SYT2: variants seen among roughly 807,000 people sequenced by gnomAD.
The protein encoded by SYT2 is synaptotagmin-2.
In SYT2, 15 loss-of-function variants were observed where a neutral mutation model predicts 39.9. The observed-to-expected ratio is 0.38, with a 90% CI of 0.25 to 0.58. The LOEUF (loss-of-function observed/expected upper bound fraction) is 0.58, where lower values mean the gene tolerates loss of function less well. Among genes scored for constraint, SYT2 ranks in the 20% least tolerant of loss-of-function variants. The probability of loss-of-function intolerance (pLI) is 0.70; values close to 1 mark genes in which losing one functional copy is unlikely to be tolerated. For synonymous variants in SYT2, 181 were observed against 204.5 expected (o/e 0.89, Z 0.98); for missense variants, 389 against 530.3 (o/e 0.73, Z 2.62).
At chr1:202,673,714 AT>A (rs1653236062) in intron 1 of SYT2, among the ~76,000 whole-genome samples, 1 of 152,114 alleles carries the variant, frequency 6.6e-6, no homozygotes, top group African/African-American at 2.4e-5. Flanking sequence ...CCCCTTGCAG[AT>A]TTACTACTCT....
At chr1:202,613,459 T>C (rs921812162) in intron 1 of SYT2, among the ~76,000 whole-genome samples, 17 of 152,162 alleles carry the variant, frequency 1.1e-4, no homozygotes, top group African/African-American at 4.1e-4. Context: ...TTTCTATATA[T>C]AGAATCATGC....
intron 1 of SYT2, among the ~76,000 whole-genome samples, chr1:202,665,580 G>A (rs1463237539): frequency 6.6e-6 from 1 of 152,198 alleles, no homozygotes; most frequent in African/African-American, 2.4e-5. Context: ...GTCTCCAGCT[G>A]CGACATCCTA....
chr1:202,707,371 A>C (rs1309303373), intron 1 of SYT2, among the ~76,000 whole-genome samples: 1 of 152,044 alleles, frequency 6.6e-6, no homozygotes, highest in Admixed American at 6.5e-5. Context: ...TAACCACTGC[A>C]CTGAGTGACC....
chr1:202,612,215 G>A (rs576790922), intron 1 of SYT2, among the ~76,000 whole-genome samples: 28 of 152,084 alleles, frequency 1.8e-4, no homozygotes, highest in Non-Finnish European at 3.8e-4. Context: ...ACAAATATGA[G>A]GGTTTATTTC....
In SYT2 at chr1:202,601,794, G is replaced by A; in HGVS notation, c.801+96C>T. On this transcript the variant is annotated intron_variant, in intron 6 of 8. Transcript: ENST00000367268. This position sits in a 1 kb window ranked among gnomAD's most constrained non-coding sequence, Gnocchi z 4.0. Reference sequence around the variant, plus strand: ...GCTGGGATCCTAACACAGGTCGTCTGCCTCCAAAGCCCACCCTGTTTCCAT... The same window carrying A: ...GCTGGGATCCTAACACAGGTCGTCTACCTCCAAAGCCCACCCTGTTTCCAT... The A allele has an allele frequency of 1.5e-6, 2 of 1,344,618 alleles. No homozygotes were observed. Among genetic ancestry groups the A allele is most frequent in the Non-Finnish European group, 2.1e-6 (2 of 968,104 alleles). The allele number at this position is 1,344,618 out of a possible 1,614,324, so 83.3% of individuals were successfully genotyped here.
At chr1:202,658,430 C>T (rs1396945508) in intron 1 of SYT2, among the ~76,000 whole-genome samples, 2 of 152,116 alleles carry the variant, frequency 1.3e-5, no homozygotes, top group African/African-American at 4.8e-5. Context: ...CCTACCTTTG[C>T]CTCTACTGAT....
At chr1:202,685,910 G>C (rs963945340) in intron 1 of SYT2, among the ~76,000 whole-genome samples, 1 of 152,094 alleles carries the variant, frequency 6.6e-6, no homozygotes, top group African/African-American at 2.4e-5. Flanking sequence ...AGGCTCTGGG[G>C]CATGGGGGTG....
chr1:202,617,832 G>A (rs986511675), intron 1 of SYT2, among the ~76,000 whole-genome samples: 31 of 152,180 alleles, frequency 2.0e-4, no homozygotes, highest in African/African-American at 6.8e-4. Context: ...CGGCAGTCCA[G>A]GGGCTAAATC....
intron 1 of SYT2, among the ~76,000 whole-genome samples, chr1:202,667,775 T>C (rs1258743754): frequency 2.0e-5 from 3 of 152,100 alleles, no homozygotes; most frequent in Non-Finnish European, 2.9e-5. Flanking sequence ...TGCAGTGGCA[T>C]GATCTTGGCT....
At chr1:202,605,500 G>GC in intron 2 of SYT2, 95 bp downstream of exon 2, 1 of 1,231,836 alleles carries the variant, frequency 8.1e-7, no homozygotes, top group Non-Finnish European at 1.2e-6. Context: ...TTAGGAAAGA[G>GC]CCCAGCCAAT....
intron 1 of SYT2, among the ~76,000 whole-genome samples, chr1:202,650,624 T>A (rs1446650886): frequency 1.3e-5 from 2 of 152,114 alleles, no homozygotes; most frequent in Non-Finnish European, 1.5e-5. Context: ...ATTGAATACA[T>A]ACTATGTGCC....
At chr1:202,686,523 T>C (rs1352614940) in intron 1 of SYT2, among the ~76,000 whole-genome samples, 2 of 152,118 alleles carry the variant, frequency 1.3e-5, no homozygotes, top group Non-Finnish European at 2.9e-5. Flanking sequence ...CCCACTGGCC[T>C]GAGAAAGAAG....
intron 1 of SYT2, among the ~76,000 whole-genome samples, chr1:202,688,458 G>A (rs1392871592): frequency 6.6e-6 from 1 of 152,210 alleles, no homozygotes; most frequent in Non-Finnish European, 1.5e-5. Context: ...CCCCCTGCAA[G>A]GATACTCCGA....
chr1:202,631,084 G>C (rs1691575744), intron 1 of SYT2, among the ~76,000 whole-genome samples: 1 of 152,248 alleles, frequency 6.6e-6, no homozygotes. Context: ...CAGCCAGAGA[G>C]AGGAAGGGAC....
intron 1 of SYT2, among the ~76,000 whole-genome samples, chr1:202,640,804 G>GAC (rs1305734731): frequency 2.6e-5 from 4 of 150,992 alleles, no homozygotes; most frequent in Non-Finnish European, 5.9e-5. Flanking sequence ...CAGACAGACA[G>GAC]AGAGACAGAG....
In SYT2 at chr1:202,599,068, G is replaced by T; in HGVS notation, c.1053+150C>A. On this transcript the variant is annotated intron_variant, in intron 8 of 8. Coordinates refer to ENST00000367268, the MANE Select transcript of SYT2 (RefSeq NM_177402.5). The surrounding 1 kb of genome is among the most constrained non-coding windows in gnomAD (Gnocchi z 4.4). ...GATCCCTGAAGCACTTGGGAAGGAG[G>T]CCCCACCCAGGCACCATTAGACCTC... 9.7e-7 allele frequency: 1 copy of T among 1,026,398 alleles called. No individual in the cohort carries two copies. Among genetic ancestry groups the T allele is most frequent in the South Asian group, 1.6e-5 (1 of 63,752 alleles). 63.6% of individuals were successfully genotyped at this position (1,026,398 alleles called of 1,614,324 possible).
intron 1 of SYT2, among the ~76,000 whole-genome samples, chr1:202,691,092 T>G (rs1653806139): frequency 6.6e-6 from 1 of 152,166 alleles, no homozygotes; most frequent in African/African-American, 2.4e-5. Flanking sequence ...AAATGGTCAC[T>G]TGGCATCTCT....
At chr1:202,661,129 A>G (rs1692370861) in intron 1 of SYT2, among the ~76,000 whole-genome samples, 3 of 152,016 alleles carry the variant, frequency 2.0e-5, no homozygotes, top group Non-Finnish European at 2.9e-5. Context: ...CATTGATTCA[A>G]TCAATGCTAT....
chr1:202,675,214 A>G (rs1249655688), intron 1 of SYT2, among the ~76,000 whole-genome samples: 1 of 152,106 alleles, frequency 6.6e-6, no homozygotes, highest in Non-Finnish European at 1.5e-5. Flanking sequence ...CGTTGGGCAC[A>G]TGAATGAGTC....
Sources: allele counts gnomAD v4.1 joint callset (sites outside exome capture counted in the v4.1 genomes callset), GRCh38; gene constraint gnomAD v4.1.1; non-coding constraint Gnocchi (gnomAD v3.1); transcripts MANE v1.5; gene names NCBI Gene and HGNC (gene_info 2026-07-23, HGNC 2026-07-21).